The following SHISA3 variants were observed in gnomAD, a reference collection of about 807,000 sequenced individuals.
The protein encoded by SHISA3 is shisa family member 3, also known as protein shisa-3 homolog.
A neutral mutation model predicts 19.2 loss-of-function variants in SHISA3; 15 were observed. That is an observed-to-expected ratio of 0.78 (90% CI 0.52 to 1.20). The LOEUF (loss-of-function observed/expected upper bound fraction) is 1.20. SHISA3 is among the 50% of genes most tolerant of loss of function. SHISA3 has a pLI of 0.00. For missense variants in SHISA3, 327 were observed against 315.7 expected, an observed-to-expected ratio of 1.04 and a Z score of -0.27; for synonymous variants, 145 against 135.2, an observed-to-expected ratio of 1.07 and a Z score of -0.50.
rs530927456 is a variant in SHISA3, at chr4:42,398,388, A to T, written c.277+55A>T. 1.1e-4 allele frequency: 158 copies of T among 1,415,606 alleles called. 1 individual carries two copies. In the African/African-American group the frequency reaches 2.1e-3, roughly 19 times the overall value. 87.7% of individuals were successfully genotyped at this position (1,415,606 alleles called of 1,614,324 possible). ...CCGCCCGCCTAACGGCGGCGGCTGC[A>T]TGTGTGCGCGGGAGGATGCACAGAC... On this transcript the variant is annotated intron_variant, in intron 1 of 1. Coordinates refer to ENST00000319234, the MANE Select transcript of SHISA3 (RefSeq NM_001080505.3).
chr4:42,398,400 G>A, intron 1 of SHISA3, 67 bp downstream of exon 1: 1 of 1,454,458 alleles, frequency 6.9e-7, no homozygotes, highest in Non-Finnish European at 9.1e-7. Context: ...GTGTGCGCGG[G>A]AGGATGCACA....
At chr4:42,398,491 G>A (rs1260516682) in intron 1 of SHISA3, among the ~76,000 whole-genome samples, 158 bp downstream of exon 1, 2 of 152,208 alleles carry the variant, frequency 1.3e-5, no homozygotes, top group African/African-American at 4.8e-5. Flanking sequence ...GGATGAGTGG[G>A]TGGTCGCGTT....
chr4:42,398,037 G>T lies in SHISA3; in HGVS notation c.-20G>T. On this transcript the variant is annotated 5_prime_UTR_variant, in exon 1 of 2. Coordinates refer to ENST00000319234, the MANE Select transcript of SHISA3 (RefSeq NM_001080505.3). ...TTCCAGCTGCGTCCTGCTCCCGGCCGCCCAGGGAGCCCAGTGGCGATGAGG... is the reference window on the plus strand; with the variant it reads ...TTCCAGCTGCGTCCTGCTCCCGGCCTCCCAGGGAGCCCAGTGGCGATGAGG... 1 of 1,537,688 alleles carries T rather than the reference G, an allele frequency of 6.5e-7. No homozygotes were observed. The highest frequency in any genetic ancestry group is 8.7e-7 in the Non-Finnish European group (1 of 1,145,446).
intron 1 of SHISA3, among the ~76,000 whole-genome samples, chr4:42,400,385 AT>A (rs1711872786): frequency 6.6e-6 from 1 of 152,306 alleles, no homozygotes; most frequent in Non-Finnish European, 1.5e-5. Flanking sequence ...TGGAGTGGGT[AT>A]TCCAAATCTT....
chr4:42,397,984 G>A lies in SHISA3; in HGVS notation c.-73G>A. The A allele has an allele frequency of 7.2e-7, 1 of 1,380,770 alleles. No homozygotes were observed. Among genetic ancestry groups the A allele is most frequent in the Non-Finnish European group, 9.5e-7 (1 of 1,048,210 alleles). The allele number at this position is 1,380,770 out of a possible 1,614,324, so 85.5% of individuals were successfully genotyped here. A position where few individuals can be genotyped will look rare whatever the true frequency, so the allele number is the denominator to read the frequency against. ...CCCTGGGGAGGCGGAATCGCTGTGC[G>A]CCCTGAGCCCGGGCTCAGCCCTTCG... is the stretch of plus-strand genomic sequence containing the variant. On this transcript the variant is annotated 5_prime_UTR_variant, in exon 1 of 2. Coordinates refer to ENST00000319234, the MANE Select transcript of SHISA3 (RefSeq NM_001080505.3).
chr4:42,401,422 A>T lies in SHISA3; in HGVS notation c.688A>T (p.Lys230Ter), dbSNP rs1464936839. The T allele has an allele frequency of 6.3e-7, 1 of 1,593,210 alleles. No individual in the cohort carries two copies. The highest frequency in any genetic ancestry group is 8.5e-7 in the Non-Finnish European group (1 of 1,170,636). Residue 230 changes from lysine to a stop codon, truncating the protein, a stop_gained, in exon 2 of 2, where the codon AAG (lysine) becomes TAG (stop). Coordinates refer to ENST00000319234, the MANE Select transcript of SHISA3 (RefSeq NM_001080505.3). LOFTEE classifies it high-confidence loss of function. ...CCAGCAGGAGCCCCCACTGCCTGGG[A>T]AGAGCTGTCCAGACTTCAGTTCCAG... ...PLQQEPPLPG[K>*]SCPDFSSS
Position 42,397,901 on chromosome 4 carries a change from C to T in SHISA3, c.-156C>T, listed in dbSNP as rs779224790. On this transcript the variant is annotated 5_prime_UTR_variant, in exon 1 of 2. Coordinates refer to ENST00000319234, the MANE Select transcript of SHISA3 (RefSeq NM_001080505.3). ...GTGCAGCCCCTGTCGCCTCCCCGGC[C>T]CCTGCTATCCCACGCAGGACTGGCT... 9 of 631,756 alleles carry T rather than the reference C, an allele frequency of 1.4e-5. No individual in the cohort carries two copies. The highest frequency in any genetic ancestry group is 2.3e-5 in the Non-Finnish European group (9 of 387,652). The allele number at this position is 631,756 out of a possible 1,614,324, so 39.1% of individuals were successfully genotyped here. A position where few individuals can be genotyped will look rare whatever the true frequency, so the allele number is the denominator to read the frequency against.
Position 42,398,342 on chromosome 4 carries a change from G to A in SHISA3, c.277+9G>A, listed in dbSNP as rs1265821864. 6 of 1,531,710 alleles carry A rather than the reference G, an allele frequency of 3.9e-6. No individual in the cohort carries two copies. In the Admixed American group the frequency reaches 7.9e-5, roughly 20 times the overall value. 94.9% of individuals were successfully genotyped at this position (1,531,710 alleles called of 1,614,324 possible). ...CCCAGGCATCACTGCGCGTAAGTGC[G>A]GGGCCCTCGGGGACATATCCCCGCC... On this transcript the variant is annotated intron_variant, in intron 1 of 1. Transcript: ENST00000319234.
At position 42,401,197 on chromosome 4, in the gene SHISA3, C is replaced by T; in HGVS notation, c.463C>T (p.Pro155Ser). Residue 155 changes from proline to serine, a missense_variant, in exon 2 of 2, where the codon CCC (proline) becomes TCC (serine). Pro to Ser is a moderately conservative substitution (Grantham distance 74). Transcript: ENST00000319234. ...GCCCATGATCCTGACCTCCACCAGC[C>T]CCAGGGCACCCTCCCGGCAGTCCAG... is the stretch of plus-strand genomic sequence containing the variant. ...TLPMILTSTS[P>S]RAPSRQSSTA... 1 of 1,614,210 alleles carries T rather than the reference C, an allele frequency of 6.2e-7. No homozygotes were observed. The highest frequency in any genetic ancestry group is 8.5e-7 in the Non-Finnish European group (1 of 1,180,044).
At position 42,401,338 on chromosome 4, in the gene SHISA3, A is replaced by G. The variant is rs746441057; in HGVS notation, c.604A>G (p.Ile202Val). 1.2e-6 allele frequency: 2 copies of G among 1,614,022 alleles called. No homozygotes were observed. The highest frequency in any genetic ancestry group is 2.2e-5 in the South Asian group (2 of 91,056). Residue 202 changes from isoleucine (I) to valine (V), a missense_variant, in exon 2 of 2, where the codon ATC becomes GTC. By Grantham distance (29) the Ile-to-Val change is conservative (BLOSUM62 3). Transcript: ENST00000319234. ...PPPPYTTSHSIHLAQPSGFLV... is the reference protein window; with the variant it reads ...PPPPYTTSHSVHLAQPSGFLV... The stretch of plus-strand genomic sequence containing the variant: ...CCCGCCATACACCACCAGCCACTCA[A>G]TCCACCTGGCTCAGCCATCTGGTTT...
Position 42,397,970 on chromosome 4 carries a change from C to A in SHISA3, c.-87C>A. ...AGCTTGCGACGTGTCCCTGGGGAGG[C>A]GGAATCGCTGTGCGCCCTGAGCCCG... On this transcript the variant is annotated 5_prime_UTR_variant, in exon 1 of 2. Transcript: ENST00000319234. 7.7e-7 allele frequency: 1 copy of A among 1,302,910 alleles called. No homozygotes were observed. The highest frequency in any genetic ancestry group is 1.0e-6 in the Non-Finnish European group (1 of 980,368). The allele number at this position is 1,302,910 out of a possible 1,614,324, so 80.7% of individuals were successfully genotyped here.
chr4:42,398,395 C>A, intron 1 of SHISA3, 62 bp downstream of exon 1: 3 of 1,453,820 alleles, frequency 2.1e-6, no homozygotes, highest in East Asian at 5.1e-5. Flanking sequence ...TGCATGTGTG[C>A]GCGGGAGGAT....
chr4:42,397,960 C>G lies in SHISA3; in HGVS notation c.-97C>G. ...CGGGGCCAGCAGCTTGCGACGTGTC[C>G]CTGGGGAGGCGGAATCGCTGTGCGC... On this transcript the variant is annotated 5_prime_UTR_variant, in exon 1 of 2. Coordinates refer to ENST00000319234, the MANE Select transcript of SHISA3 (RefSeq NM_001080505.3). 2 of 1,244,678 alleles carry G rather than the reference C, an allele frequency of 1.6e-6. No homozygotes were observed. The highest frequency in any genetic ancestry group is 3.2e-5 in the South Asian group (2 of 62,822). 77.1% of individuals were successfully genotyped at this position (1,244,678 alleles called of 1,614,324 possible). A position where few individuals can be genotyped will look rare whatever the true frequency, so the allele number is the denominator to read the frequency against.
At chr4:42,400,790 G>A (rs868719631) in intron 1 of SHISA3, among the ~76,000 whole-genome samples, 3 of 151,952 alleles carry the variant, frequency 2.0e-5, no homozygotes, top group African/African-American at 2.4e-5. Flanking sequence ...CAGAGGCTAC[G>A]GTATCCGTTT....
intron 1 of SHISA3, among the ~76,000 whole-genome samples, chr4:42,398,862 C>T (rs7676807): frequency 0.23 from 35,620 of 152,014 alleles, 4,200 homozygotes; most frequent in Admixed American, 0.26. Context: ...TTCTAAGCCA[C>T]GGCCCCGTTC....
At position 42,402,245 on chromosome 4, in the gene SHISA3, T is replaced by C. The variant is rs888884916; in HGVS notation, c.*794T>C. ...AAACATTTATTTGTAAAATGAGCTA[T>C]GTTCAAATGTAAATATTTGTAATTT... On this transcript the variant is annotated 3_prime_UTR_variant, in exon 2 of 2. Coordinates refer to ENST00000319234, the MANE Select transcript of SHISA3 (RefSeq NM_001080505.3). 1 of 152,218 alleles carries C rather than the reference T, an allele frequency of 6.6e-6. No individual in the cohort carries two copies. Among genetic ancestry groups the C allele is most frequent in the Admixed American group, 6.5e-5 (1 of 15,280 alleles). 9.4% of individuals were successfully genotyped at this position (152,218 alleles called of 1,614,324 possible).
At chr4:42,400,349 G>A (rs777059304) in intron 1 of SHISA3, among the ~76,000 whole-genome samples, 1 of 152,202 alleles carries the variant, frequency 6.6e-6, no homozygotes, top group Non-Finnish European at 1.5e-5. Flanking sequence ...TCCCAGGCTT[G>A]GATGGGAATT....
Position 42,401,304 on chromosome 4 carries a change from C to G in SHISA3, c.570C>G (p.Pro190=). The change falls in exon 2 of 2, where the codon CCC becomes CCG. Residue 190 remains proline, a synonymous_variant. Coordinates refer to ENST00000319234, the MANE Select transcript of SHISA3 (RefSeq NM_001080505.3). ...FARAEPGCLV[P]SPPPPYTTSH... The stretch of plus-strand genomic sequence containing the variant: ...GGGCTGAGCCGGGCTGCCTGGTGCC[C>G]TCACCGCCCCCGCCATACACCACCA... 6.2e-7 allele frequency: 1 copy of G among 1,614,106 alleles called. No homozygotes were observed. The highest frequency in any genetic ancestry group is 8.5e-7 in the Non-Finnish European group (1 of 1,179,992).
chr4:42,400,058 G>T (rs557256529), intron 1 of SHISA3, among the ~76,000 whole-genome samples: 9 of 152,236 alleles, frequency 5.9e-5, no homozygotes, highest in Non-Finnish European at 1.3e-4. Flanking sequence ...ACTTTAATCA[G>T]ATAATGAATA....
Sources: allele counts gnomAD v4.1 joint callset (sites outside exome capture counted in the v4.1 genomes callset), GRCh38; gene constraint gnomAD v4.1.1; transcripts MANE v1.5; gene names NCBI Gene and HGNC (gene_info 2026-07-23, HGNC 2026-07-21).